LHFPL6: variants seen among roughly 807,000 people sequenced by gnomAD.
LHFPL6 encodes LHFPL tetraspan subfamily member 6.
A neutral mutation model predicts 20.6 loss-of-function variants in LHFPL6; 9 were observed. The ratio of observed to expected loss-of-function variants is 0.44; its 90% CI spans 0.26 to 0.76. The LOEUF is 0.76. Ranked by LOEUF, LHFPL6 falls within the 30% of genes least tolerant of loss-of-function variation. The pLI is 0.20. For synonymous variants in LHFPL6, 105 were observed against 98.7 expected, an observed-to-expected ratio of 1.06 and a Z score of -0.38; for missense variants, 218 against 253.5, an observed-to-expected ratio of 0.86 and a Z score of 0.95.
At chr13:39,503,149 T>C (rs1869353206) in intron 2 of LHFPL6, among the ~76,000 whole-genome samples, 2 of 152,216 alleles carry the variant, frequency 1.3e-5, no homozygotes, top group African/African-American at 4.8e-5. Context: ...ACAGCCAGAA[T>C]GCTTACAGTG....
At chr13:39,545,233 G>C (rs11619916) in intron 2 of LHFPL6, among the ~76,000 whole-genome samples, 1 of 131,906 alleles carries the variant, frequency 7.6e-6, no homozygotes, top group Non-Finnish European at 1.6e-5. Flanking sequence ...GTGACAGAGC[G>C]AGACTCCGTC....
chr13:39,480,419 T>C (rs982710810), intron 2 of LHFPL6, among the ~76,000 whole-genome samples: 1 of 152,196 alleles, frequency 6.6e-6, no homozygotes, highest in Non-Finnish European at 1.5e-5. Context: ...CCTCCTCAAC[T>C]GGCCCTGTCA....
intron 2 of LHFPL6, among the ~76,000 whole-genome samples, chr13:39,426,089 C>A (rs1396871256): frequency 6.6e-6 from 1 of 152,144 alleles, no homozygotes; most frequent in Admixed American, 6.5e-5. Context: ...TATTACGTGA[C>A]CATTACCACT....
intron 2 of LHFPL6, among the ~76,000 whole-genome samples, chr13:39,463,147 G>A (rs534642619): frequency 1.3e-5 from 2 of 152,234 alleles, no homozygotes; most frequent in Non-Finnish European, 2.9e-5. Context: ...GAAAGATTCC[G>A]GGCTATGGCA....
At chr13:39,492,400 C>G (rs1373638601) in intron 2 of LHFPL6, among the ~76,000 whole-genome samples, 1 of 152,086 alleles carries the variant, frequency 6.6e-6, no homozygotes, top group Non-Finnish European at 1.5e-5. Flanking sequence ...AATGCTGGAA[C>G]CTTAACATCA....
chr13:39,526,437 G>C (rs903205196), intron 2 of LHFPL6, among the ~76,000 whole-genome samples: 8 of 152,222 alleles, frequency 5.3e-5, no homozygotes, highest in Non-Finnish European at 1.2e-4. Flanking sequence ...CAATGTTTTA[G>C]AAATAGATGG....
At chr13:39,474,969 T>C (rs1326773147) in intron 2 of LHFPL6, among the ~76,000 whole-genome samples, 1 of 152,180 alleles carries the variant, frequency 6.6e-6, no homozygotes, top group East Asian at 1.9e-4. Context: ...CATTTTAGAT[T>C]GAACTTTTTA....
At chr13:39,390,526 A>C (rs1354222276) in intron 2 of LHFPL6, among the ~76,000 whole-genome samples, 2 of 151,902 alleles carry the variant, frequency 1.3e-5, no homozygotes, top group Non-Finnish European at 2.9e-5. Context: ...AACAAAGGAA[A>C]CAAGATTTTA....
intron 2 of LHFPL6, among the ~76,000 whole-genome samples, chr13:39,583,286 C>T (rs147658417): frequency 2.0e-5 from 3 of 151,968 alleles, no homozygotes; most frequent in African/African-American, 4.8e-5. Context: ...GATCCTCCCC[C>T]CTCAGCCCCC....
chr13:39,521,760 C>T (rs1870113136), intron 2 of LHFPL6, among the ~76,000 whole-genome samples: 1 of 152,042 alleles, frequency 6.6e-6, no homozygotes, highest in Non-Finnish European at 1.5e-5. Context: ...GCCTATTGCA[C>T]AGCATCTGAA....
At chr13:39,429,932 G>A (rs1207470358) in intron 2 of LHFPL6, among the ~76,000 whole-genome samples, 2 of 152,128 alleles carry the variant, frequency 1.3e-5, no homozygotes, top group Non-Finnish European at 2.9e-5. Flanking sequence ...GGCTTGTAGG[G>A]CACCATACCC....
rs140882574 is a variant in LHFPL6, at chr13:39,451,673, A to G, written c.386-73147T>C. On this transcript the variant is annotated intron_variant, in intron 2 of 3. Transcript: ENST00000379589. ...TTATAATGATAGTTTAATTCCTTAC[A>G]TGTCCTATCAGCATATGTCTCTACT... Among the ~76,000 whole-genome samples the G allele has an allele frequency of 5.9e-5, 9 of 152,334 alleles. No homozygotes were observed. In the East Asian group the frequency reaches 1.7e-3, roughly 29 times the overall value.
At chr13:39,598,895 G>A (rs1020744242) in intron 2 of LHFPL6, among the ~76,000 whole-genome samples, 1 of 152,120 alleles carries the variant, frequency 6.6e-6, no homozygotes, top group Non-Finnish European at 1.5e-5. Flanking sequence ...CTTAATGTCA[G>A]TAACTCTTAC....
chr13:39,343,916 CT>C lies in LHFPL6; in HGVS notation c.*19del. 6.2e-7 allele frequency: 1 copy of C among 1,601,764 alleles called. No homozygotes were observed. The highest frequency in any genetic ancestry group is 8.5e-7 in the Non-Finnish European group (1 of 1,169,686). ...CCCTTTGGCCCATCTTCTCCTCTGT[CT>C]GCTCTTGGTAGCTCCATCTCAGTAT... is the stretch of plus-strand genomic sequence containing the variant. On this transcript the variant is annotated 3_prime_UTR_variant, in exon 4 of 4. Coordinates refer to ENST00000379589, the MANE Select transcript of LHFPL6 (RefSeq NM_005780.3).
At chr13:39,482,247 C>A (rs945989162) in intron 2 of LHFPL6, among the ~76,000 whole-genome samples, 3 of 152,072 alleles carry the variant, frequency 2.0e-5, no homozygotes, top group African/African-American at 7.2e-5. Flanking sequence ...AGTTTGAGAC[C>A]AGCCTGGCCA....
At chr13:39,479,970 G>A (rs985810607) in intron 2 of LHFPL6, among the ~76,000 whole-genome samples, 5 of 152,132 alleles carry the variant, frequency 3.3e-5, no homozygotes, top group Non-Finnish European at 4.4e-5. Flanking sequence ...TTCATAGCGC[G>A]ACTTCTTTTT....
intron 3 of LHFPL6, among the ~76,000 whole-genome samples, chr13:39,366,384 C>T (rs530552345): frequency 4.6e-5 from 7 of 152,222 alleles, no homozygotes; most frequent in Middle Eastern, 3.4e-3. Flanking sequence ...CATTGCTGTG[C>T]TAATTAGTAA....
chr13:39,524,416 C>A (rs1435670709), intron 2 of LHFPL6, among the ~76,000 whole-genome samples: 1 of 151,796 alleles, frequency 6.6e-6, no homozygotes, highest in Non-Finnish European at 1.5e-5. Context: ...TATTTATACA[C>A]CTTTCAAGAT....
chr13:39,581,989 T>C (rs1319940616), intron 2 of LHFPL6, among the ~76,000 whole-genome samples: 1 of 152,234 alleles, frequency 6.6e-6, no homozygotes, highest in Non-Finnish European at 1.5e-5. Context: ...CATAAATCTA[T>C]GTATTTTACC....
Sources: gnomAD v4.1 joint callset for allele counts (sites outside exome capture counted in the v4.1 genomes callset) on GRCh38, gnomAD v4.1.1 for gene constraint, MANE v1.5 for transcripts, NCBI Gene and HGNC (gene_info 2026-07-23, HGNC 2026-07-21) for gene names.